Variants in AKR1C8 observed in about 807,000 individuals in gnomAD.
AKR1C8 encodes the protein aldo-keto reductase family 1 member C8.
the AKR1C8 span, among the ~76,000 whole-genome samples, chr10:5,142,836 C>G: frequency 6.6e-6 from 1 of 152,002 alleles, no homozygotes; most frequent in African/African-American, 2.4e-5. Context: ...GGAAAAAACA[C>G]AGAGTGAACA....
chr10:5,167,222 A>G, the AKR1C8 span, among the ~76,000 whole-genome samples: 1 of 152,166 alleles, frequency 6.6e-6, no homozygotes. Flanking sequence ...GGAAGTCAGT[A>G]TGGTGATTCC....
At chr10:5,142,617 CAG>C in the AKR1C8 span, among the ~76,000 whole-genome samples, 1 of 152,030 alleles carries the variant, frequency 6.6e-6, no homozygotes, top group East Asian at 1.9e-4. Flanking sequence ...AAGGCCTGAA[CAG>C]AGGGAAAGAG....
chr10:5,182,908 CAA>C, the AKR1C8 span, among the ~76,000 whole-genome samples: 1 of 132,052 alleles, frequency 7.6e-6, no homozygotes, highest in Admixed American at 7.7e-5. Context: ...GACTCTGTCT[CAA>C]AAAAAAAAAA....
At chr10:5,166,834 C>A in the AKR1C8 span, among the ~76,000 whole-genome samples, 1 of 152,076 alleles carries the variant, frequency 6.6e-6, no homozygotes, top group Non-Finnish European at 1.5e-5. Context: ...AAGAAACTAC[C>A]CTCAGAGTGA....
chr10:5,170,031 T>C, the AKR1C8 span, among the ~76,000 whole-genome samples: 1 of 152,050 alleles, frequency 6.6e-6, no homozygotes, highest in African/African-American at 2.4e-5. Flanking sequence ...ACAGGTACCG[T>C]CTTAATTACC....
chr10:5,155,463 G>A, the AKR1C8 span: 1 of 274,306 alleles, frequency 3.6e-6, no homozygotes, highest in Non-Finnish European at 7.2e-6. Flanking sequence ...TCACAATGGT[G>A]CAGACATTGG....
chr10:5,174,746 G>C, the AKR1C8 span, among the ~76,000 whole-genome samples: 2 of 151,676 alleles, frequency 1.3e-5, no homozygotes, highest in African/African-American at 2.4e-5. Context: ...ACAGGAAAAA[G>C]TGTTTTTAAT....
the AKR1C8 span, among the ~76,000 whole-genome samples, chr10:5,116,503 T>C: frequency 6.6e-6 from 1 of 152,108 alleles, no homozygotes; most frequent in Admixed American, 6.5e-5. Flanking sequence ...TACTAATACA[T>C]TGGATGCTGA....
the AKR1C8 span, among the ~76,000 whole-genome samples, chr10:5,168,842 A>G: frequency 1.3e-5 from 2 of 152,168 alleles, no homozygotes; most frequent in African/African-American, 4.8e-5. Context: ...TGTGAAAAAG[A>G]AAGCACTTTC....
At chr10:5,139,527 C>A in the AKR1C8 span, among the ~76,000 whole-genome samples, 7 of 152,050 alleles carry the variant, frequency 4.6e-5, 1 homozygote, top group African/African-American at 1.7e-4. Context: ...CTTTGATAAA[C>A]CTGACAAAAA....
At chr10:5,180,264 C>T in the AKR1C8 span, among the ~76,000 whole-genome samples, 2 of 152,194 alleles carry the variant, frequency 1.3e-5, no homozygotes, top group African/African-American at 4.8e-5. Context: ...GTCTGGGTAT[C>T]CGCAGCAGAG....
chr10:5,179,599 A>G, the AKR1C8 span, among the ~76,000 whole-genome samples: 1 of 148,854 alleles, frequency 6.7e-6, no homozygotes, highest in Non-Finnish European at 1.5e-5. Context: ...CATTCTCCCC[A>G]TCACTTTCAG....
At chr10:5,125,552 G>A in the AKR1C8 span, among the ~76,000 whole-genome samples, 1 of 152,158 alleles carries the variant, frequency 6.6e-6, no homozygotes, top group Non-Finnish European at 1.5e-5. Flanking sequence ...GTTCATTACA[G>A]CATCCCTGGG....
At chr10:5,174,231 G>A in the AKR1C8 span, among the ~76,000 whole-genome samples, 1 of 149,328 alleles carries the variant, frequency 6.7e-6, no homozygotes, top group South Asian at 2.1e-4. Context: ...ACAACTACTA[G>A]ATCTTCTTCT....
chr10:5,123,876 T>C, the AKR1C8 span: 1 of 1,524,274 alleles, frequency 6.6e-7, no homozygotes, highest in Non-Finnish European at 8.9e-7. Context: ...TATGTTAATA[T>C]AAAAAGATTA....
the AKR1C8 span, among the ~76,000 whole-genome samples, chr10:5,159,228 T>G: frequency 6.6e-6 from 1 of 152,174 alleles, no homozygotes; most frequent in Admixed American, 6.5e-5. Context: ...ATTCATAAAT[T>G]CGCATGGCAT....
chr10:5,133,518 T>A, the AKR1C8 span, among the ~76,000 whole-genome samples: 1 of 152,178 alleles, frequency 6.6e-6, no homozygotes, highest in Admixed American at 6.6e-5. Context: ...ACACACTGAC[T>A]TCCTCCAGCA....
chr10:5,133,908 C>G, the AKR1C8 span, among the ~76,000 whole-genome samples: 1 of 152,050 alleles, frequency 6.6e-6, no homozygotes, highest in Non-Finnish European at 1.5e-5. Flanking sequence ...AAGAAATTAA[C>G]TGCAACCTGT....
the AKR1C8 span, among the ~76,000 whole-genome samples, chr10:5,133,036 T>C: frequency 1.4e-3 from 219 of 152,268 alleles, no homozygotes; most frequent in Non-Finnish European, 2.5e-3. Flanking sequence ...AGTCATTTGT[T>C]GGACAAATTA....
Sources: allele counts gnomAD v4.1 joint callset (sites outside exome capture counted in the v4.1 genomes callset), GRCh38; gene constraint gnomAD v4.1.1; transcripts MANE v1.5; gene names NCBI Gene and HGNC (gene_info 2026-07-23, HGNC 2026-07-21).